HEATR5B: variants seen among roughly 807,000 people sequenced by gnomAD.
HEATR5B encodes the protein HEAT repeat containing 5B, also known as HEAT repeat-containing protein 5B.
A neutral mutation model predicts 224.1 loss-of-function variants in HEATR5B; 156 were observed. That is an observed-to-expected ratio of 0.70 (90% CI 0.61 to 0.80). HEATR5B has a LOEUF of 0.80. Among genes scored for constraint, HEATR5B ranks in the 30% least tolerant of loss-of-function variants. The pLI, the probability that HEATR5B is intolerant of heterozygous loss-of-function variation, is 0.00. For missense variants in HEATR5B, 2,323 were observed against 2,535.5 expected, an observed-to-expected ratio of 0.92 and a Z score of 1.80; for synonymous variants, 1,027 against 893.0, an observed-to-expected ratio of 1.15 and a Z score of -2.68.
intron 16 of HEATR5B, among the ~76,000 whole-genome samples, chr2:37,056,129 T>A (rs1256766369): frequency 6.6e-6 from 1 of 152,054 alleles, no homozygotes; most frequent in African/African-American, 2.4e-5. Context: ...ATAATGCATT[T>A]TTTTTTTTGC....
At chr2:37,071,158 CAT>C (rs1671881991) in intron 6 of HEATR5B, among the ~76,000 whole-genome samples, 1 of 152,076 alleles carries the variant, frequency 6.6e-6, no homozygotes, top group South Asian at 2.1e-4. Context: ...TCATCATCAT[CAT>C]CATCTACTGA....
intron 22 of HEATR5B, among the ~76,000 whole-genome samples, chr2:37,031,164 T>G (rs1315026217): frequency 6.6e-6 from 1 of 152,202 alleles, no homozygotes; most frequent in African/African-American, 2.4e-5. Flanking sequence ...GGGGAGCTTG[T>G]GCCTGGTTTC....
chr2:37,071,201 C>T (rs1671884417), intron 6 of HEATR5B, among the ~76,000 whole-genome samples: 1 of 151,922 alleles, frequency 6.6e-6, no homozygotes, highest in Non-Finnish European at 1.5e-5. Flanking sequence ...AAAATCAAAG[C>T]TCAAAGAAGT....
chr2:37,025,458 C>A (rs1668710977), intron 24 of HEATR5B, among the ~76,000 whole-genome samples: 2 of 146,794 alleles, frequency 1.4e-5, no homozygotes, highest in Non-Finnish European at 1.5e-5. Context: ...CTATAAAAAC[C>A]AGAATTAAAA....
rs1672753051 is a variant in HEATR5B at position 37,083,503 on chromosome 2, A to G, written c.-22-67T>C. On this transcript the variant is annotated intron_variant, in intron 1 of 35. Transcript: ENST00000233099. Reference sequence around the variant, plus strand: ...AATGTTAAAAGTCAAGCTTAATGGAATATACTCACTAAGAAAAGTAGGACT... The same window carrying G: ...AATGTTAAAAGTCAAGCTTAATGGAGTATACTCACTAAGAAAAGTAGGACT... The G allele has an allele frequency of 1.2e-5, 14 of 1,172,288 alleles. No homozygotes were observed. The South Asian group carries it at 1.4e-4, about 12-fold the overall frequency. The allele number at this position is 1,172,288 out of a possible 1,614,324, so 72.6% of individuals were successfully genotyped here.
intron 18 of HEATR5B, among the ~76,000 whole-genome samples, chr2:37,048,956 A>G (rs182317852): frequency 6.6e-6 from 1 of 152,334 alleles, no homozygotes; most frequent in East Asian, 1.9e-4. Context: ...GCTATATTTA[A>G]TACTCTATAT....
intron 27 of HEATR5B, 22 bp downstream of exon 27, chr2:37,013,819 T>G: frequency 6.6e-7 from 1 of 1,518,060 alleles, no homozygotes; most frequent in Non-Finnish European, 8.9e-7. Context: ...TCAAAAACAA[T>G]AGATTGTGGT....
intron 33 of HEATR5B, among the ~76,000 whole-genome samples, chr2:36,999,713 A>G (rs868275940): frequency 7.3e-5 from 11 of 151,698 alleles, no homozygotes; most frequent in Non-Finnish European, 1.5e-5. Flanking sequence ...ATATACATGT[A>G]TATATTTAAA....
chr2:37,008,320 G>A (rs1452802607), intron 28 of HEATR5B: 3 of 441,478 alleles, frequency 6.8e-6, no homozygotes, highest in Non-Finnish European at 1.2e-5. Flanking sequence ...ATACATCTAT[G>A]GTTATGCATA....
At chr2:37,069,286 T>C (rs1671769064) in intron 7 of HEATR5B, among the ~76,000 whole-genome samples, 1 of 152,182 alleles carries the variant, frequency 6.6e-6, no homozygotes, top group Non-Finnish European at 1.5e-5. Flanking sequence ...ATAAAACCCT[T>C]ACGTACGACT....
At chr2:37,040,877 G>A (rs1020261562) in intron 19 of HEATR5B, 7 of 402,380 alleles carry the variant, frequency 1.7e-5, no homozygotes, top group South Asian at 6.4e-5. Context: ...AAAAAAAAGA[G>A]GAAAAAAGTA....
chr2:37,059,871 T>C (rs754181078), intron 12 of HEATR5B, among the ~76,000 whole-genome samples: 5 of 152,126 alleles, frequency 3.3e-5, no homozygotes, highest in Admixed American at 2.6e-4. Context: ...CCCTTAGCAA[T>C]AGAGCCTAGA....
intron 35 of HEATR5B, among the ~76,000 whole-genome samples, chr2:36,987,342 T>C (rs1666015678): frequency 6.6e-6 from 1 of 150,816 alleles, no homozygotes; most frequent in Non-Finnish European, 1.5e-5. Flanking sequence ...GGCAGGAGAA[T>C]CACTTGAACT....
chr2:37,000,408 T>C (rs1163616479), intron 33 of HEATR5B, among the ~76,000 whole-genome samples, 178 bp downstream of exon 33: 1 of 152,148 alleles, frequency 6.6e-6, no homozygotes, highest in Non-Finnish European at 1.5e-5. Flanking sequence ...CACAAGGGCA[T>C]TTAGAGTCAA....
chr2:37,026,854 G>A (rs542730870), intron 24 of HEATR5B, among the ~76,000 whole-genome samples: 14 of 152,214 alleles, frequency 9.2e-5, no homozygotes, highest in East Asian at 1.9e-4. Context: ...GCTGGAGTAC[G>A]GTGGCGTGAT....
intron 26 of HEATR5B, among the ~76,000 whole-genome samples, chr2:37,018,532 A>C (rs1668266064): frequency 6.6e-6 from 1 of 152,214 alleles, no homozygotes. Context: ...GACTGCCATT[A>C]AGGCAGCAGG....
chr2:37,080,287 T>C (rs972675193), intron 2 of HEATR5B, among the ~76,000 whole-genome samples: 3 of 152,192 alleles, frequency 2.0e-5, no homozygotes, highest in African/African-American at 7.2e-5. Flanking sequence ...GAGTAAGAGT[T>C]TGAAGCAGAG....
Position 37,082,086 on chromosome 2 carries a change from T to TTTTTTTTTTTTTTTC in HEATR5B, c.126+1202_126+1203insGAAAAAAAAAAAAAA, listed in dbSNP as rs371663046. 1.4e-4 allele frequency among the ~76,000 whole-genome samples: 8 copies of TTTTTTTTTTTTTTTC among 56,032 alleles called. 2 individuals carry two copies. Among genetic ancestry groups the TTTTTTTTTTTTTTTC allele is most frequent in the East Asian group, 1.5e-3 (2 of 1,322 alleles). 36.8% of individuals were successfully genotyped at this position (56,032 alleles called of 152,430 possible). A position where few individuals can be genotyped will look rare whatever the true frequency, so the allele number is the denominator to read the frequency against. ...TTTTTTTTTTTTTTTTTTTTTTTTTTCAGATGGAGTTTCACTCTTGTCCCC... is the reference window on the plus strand; with the variant it reads ...TTTTTTTTTTTTTTTTTTTTTTTTTTTTTTTTTTTTTTTTCCAGATGGAGTTTCACTCTTGTCCCC... On this transcript the variant is annotated intron_variant, in intron 2 of 35. Coordinates refer to ENST00000233099, the MANE Select transcript of HEATR5B (RefSeq NM_019024.3).
chr2:37,023,484 T>A (rs1668587537), intron 24 of HEATR5B, among the ~76,000 whole-genome samples: 1 of 152,142 alleles, frequency 6.6e-6, no homozygotes, highest in Admixed American at 6.5e-5. Flanking sequence ...AAAAAGAATA[T>A]CTGGCCAGGT....
Sources: allele counts gnomAD v4.1 joint callset (sites outside exome capture counted in the v4.1 genomes callset), GRCh38; gene constraint gnomAD v4.1.1; transcripts MANE v1.5; gene names NCBI Gene and HGNC (gene_info 2026-07-23, HGNC 2026-07-21).